Variants in LAMA5 observed in about 807,000 individuals in gnomAD.
The protein encoded by LAMA5 is laminin subunit alpha-5.
Under a neutral mutation model 433.4 loss-of-function variants are expected in LAMA5, and 260 were observed. The observed-to-expected ratio is 0.60, with a 90% confidence interval of 0.54 to 0.66. The LOEUF (loss-of-function observed/expected upper bound fraction) is 0.66. Ranked by LOEUF, LAMA5 falls within the 30% of genes least tolerant of loss-of-function variation. The probability of loss-of-function intolerance (pLI) is 0.00; values close to 1 mark genes in which losing one functional copy is unlikely to be tolerated. For missense variants in LAMA5, 5,378 were observed against 5,258.5 expected, an observed-to-expected ratio of 1.02 and a Z score of -0.70; for synonymous variants, 2,620 against 2,226.6, an observed-to-expected ratio of 1.18 and a Z score of -4.97.
chr20:62,350,030 G>A (rs981082156), intron 6 of LAMA5, among the ~76,000 whole-genome samples: 1 of 151,708 alleles, frequency 6.6e-6, no homozygotes, highest in African/African-American at 2.4e-5. Context: ...GGGTGACCAG[G>A]TCCTGGTAAC....
At chr20:62,364,278 T>G (rs1986478459) in intron 1 of LAMA5, among the ~76,000 whole-genome samples, 1 of 151,818 alleles carries the variant, frequency 6.6e-6, no homozygotes, top group Non-Finnish European at 1.5e-5. Context: ...CTGGAGAAGG[T>G]AGGTGTGGGC....
chr20:62,362,597 C>T, intron 1 of LAMA5, 45 bp from the exon 2 acceptor site: 3 of 1,420,932 alleles, frequency 2.1e-6, no homozygotes, highest in Non-Finnish European at 2.8e-6. Context: ...AGGGCCGGGG[C>T]CCCCTTCCTC....
In LAMA5 at chr20:62,311,316, G is replaced by A. The variant is rs373122353; in HGVS notation, c.9943-9C>T. On this transcript the variant is annotated splice_polypyrimidine_tract_variant and intron_variant, in intron 72 of 79. Coordinates refer to ENST00000252999, the MANE Select transcript of LAMA5 (RefSeq NM_005560.6). The stretch of plus-strand genomic sequence containing the variant: ...CGGCTGCGGCGGGAGGCCTGGGGGC[G>A]TGGATGGTGAATGCAGGGGCCGCCC... The A allele has an allele frequency of 4.5e-5, 70 of 1,556,402 alleles. No individual in the cohort carries two copies. The highest frequency in any genetic ancestry group is 6.0e-5 in the South Asian group (5 of 83,192).
At chr20:62,335,155 G>A in intron 19 of LAMA5, 29 bp from the exon 20 acceptor site, 1 of 1,612,536 alleles carries the variant, frequency 6.2e-7, no homozygotes, top group Non-Finnish European at 8.5e-7. Context: ...GGTGAAGTGG[G>A]GCAGGGGAGG....
Position 62,312,403 on chromosome 20 carries a change from C to T in LAMA5, c.9357G>A (p.Leu3119=), listed in dbSNP as rs923589350. The T allele has an allele frequency of 6.3e-7, 1 of 1,598,684 alleles. No homozygotes were observed. Among genetic ancestry groups the T allele is most frequent in the East Asian group, 2.2e-5 (1 of 44,842 alleles). ...CAGCCCGGGGAGGGCTGCTCACCAGCAGGTCGGCGGTGCAGCCGGCGCTCA... is the reference window on the plus strand; with the variant it reads ...CAGCCCGGGGAGGGCTGCTCACCAGTAGGTCGGCGGTGCAGCCGGCGCTCA... ...TGVSAGCTAD[L]LVGRAMTFHG... The change falls in exon 68 of 80, where the codon CTG becomes CTA. Residue 3119 remains leucine, a synonymous_variant. Transcript: ENST00000252999.
intron 11 of LAMA5, among the ~76,000 whole-genome samples, chr20:62,339,121 C>A (rs967983095): frequency 6.6e-6 from 1 of 151,896 alleles, no homozygotes; most frequent in Non-Finnish European, 1.5e-5. Flanking sequence ...TATCAAAACG[C>A]TTCATTAGTT....
In LAMA5 at chr20:62,314,993, C is replaced by T. The variant is rs1727667187; in HGVS notation, c.8047+35G>A. On this transcript the variant is annotated intron_variant, in intron 59 of 79. Coordinates refer to ENST00000252999, the MANE Select transcript of LAMA5 (RefSeq NM_005560.6). The stretch of plus-strand genomic sequence containing the variant: ...GACCTTTGCCCCCCACCGTGCCCGC[C>T]TCCATCAGGGGCACCGCGAGGGCCA... 1.9e-6 allele frequency: 3 copies of T among 1,577,712 alleles called. No homozygotes were observed. In the South Asian group the frequency reaches 3.4e-5, roughly 18 times the overall value.
At chr20:62,350,691 C>G (rs1044658650) in intron 6 of LAMA5, among the ~76,000 whole-genome samples, 1 of 152,194 alleles carries the variant, frequency 6.6e-6, no homozygotes, top group African/African-American at 2.4e-5. Context: ...TCAGCCTCAG[C>G]TGCACCACTC....
rs776277607 is a variant in LAMA5, at chr20:62,329,790, C to T, written c.4106G>A (p.Arg1369Gln). The change falls in exon 32 of 80, where the codon CGG (arginine) becomes CAG (glutamine). Residue 1369 changes from arginine to glutamine, a missense_variant. Physicochemically the swap from Arg to Gln is conservative, Grantham distance 43. Coordinates refer to ENST00000252999, the MANE Select transcript of LAMA5 (RefSeq NM_005560.6). Reference protein sequence around the residue: ...LTVTVRVPKGRWLWLDYVLVV... With the variant: ...LTVTVRVPKGQWLWLDYVLVV... Reference sequence around the variant, plus strand: ...GCTGGGACTCACCAGCCAGAGCCACCGGCCCTTGGGCACACGCACGGTCAC... The same window carrying T: ...GCTGGGACTCACCAGCCAGAGCCACTGGCCCTTGGGCACACGCACGGTCAC... 20 of 1,612,212 alleles carry T rather than the reference C, an allele frequency of 1.2e-5. No individual in the cohort carries two copies. The highest frequency in any genetic ancestry group is 6.7e-5 in the African/African-American group (5 of 74,926).
At chr20:62,333,518 C>T in intron 24 of LAMA5, 37 bp from the exon 25 acceptor site, 1 of 1,588,666 alleles carries the variant, frequency 6.3e-7, no homozygotes, top group South Asian at 1.1e-5. Context: ...TGGTGGGCCC[C>T]ACCCCCTGAC....
chr20:62,326,884 C>G lies in LAMA5; in HGVS notation c.5195G>C (p.Arg1732Thr). 6.2e-7 allele frequency: 1 copy of G among 1,612,224 alleles called. No homozygotes were observed. The highest frequency in any genetic ancestry group is 1.1e-5 in the South Asian group (1 of 91,024). The change falls in exon 39 of 80, where the codon AGG (arginine) becomes ACG (threonine). Residue 1732 changes from arginine (R) to threonine (T), a missense_variant. Transcript: ENST00000252999. ...RGDVFVPMES[R>T]PDVVLQGNQM... The stretch of plus-strand genomic sequence containing the variant: ...CCTCACCTGCAGCACCACATCCGGC[C>G]TGCTCTCCATGGGGACAAAGACATC...
chr20:62,349,442 A>G lies in LAMA5; in HGVS notation c.956+2262T>C, dbSNP rs371747890. Among the ~76,000 whole-genome samples the G allele has an allele frequency of 2.2e-4, 33 of 151,758 alleles. 1 individual carries two copies. In the East Asian group the frequency reaches 5.3e-3, roughly 25 times the overall value. On this transcript the variant is annotated intron_variant, in intron 6 of 79. Transcript: ENST00000252999. ...ACTGCAAGGACAATGGACTCTCCCAAGCACCTGGAGAGGTGAAGAGACAGT... is the reference window on the plus strand; with the variant it reads ...ACTGCAAGGACAATGGACTCTCCCAGGCACCTGGAGAGGTGAAGAGACAGT...
At chr20:62,328,135 C>A in intron 35 of LAMA5, 106 bp downstream of exon 35, 1 of 1,513,774 alleles carries the variant, frequency 6.6e-7, no homozygotes, top group South Asian at 1.2e-5. Context: ...CTGCTGCACC[C>A]AGGGAGCACA....
In LAMA5 at chr20:62,309,769, A is replaced by G; in HGVS notation, c.10895T>C (p.Leu3632Ser). ...TGGGGCACCAGCTGCAGCCGCCAGC[A>G]AGGGGCCCACGGTGTGGTTGCTCTG... ...DAQSNHTVGP[L>S]LAAAAGAPAP... The change falls in exon 79 of 80, where the codon TTG becomes TCG. Residue 3632 changes from leucine to serine, a missense_variant. Physicochemically the swap from Leu to Ser is moderately radical, Grantham distance 145. Coordinates refer to ENST00000252999, the MANE Select transcript of LAMA5 (RefSeq NM_005560.6). The G allele has an allele frequency of 6.2e-7, 1 of 1,604,278 alleles. No individual in the cohort carries two copies. Among genetic ancestry groups the G allele is most frequent in the Non-Finnish European group, 8.5e-7 (1 of 1,177,564 alleles).
Position 62,322,345 on chromosome 20 carries a change from G to A in LAMA5, c.6270C>T (p.Cys2090=). 6.3e-7 allele frequency: 1 copy of A among 1,595,908 alleles called. No individual in the cohort carries two copies. The change falls in exon 47 of 80, where the codon TGC becomes TGT. Residue 2090 remains cysteine (C), a synonymous_variant. Transcript: ENST00000252999. ...ECHPQSGQCH[C]RPGTMGPQCR... is the part of the protein sequence containing the mutation. Reference sequence around the variant, plus strand: ...ACTGGGGTCCCATGGTCCCTGGTCGGCAGTGGCACTGTCCGCTCTGGGGGT... The same window carrying A: ...ACTGGGGTCCCATGGTCCCTGGTCGACAGTGGCACTGTCCGCTCTGGGGGT...
rs756859722 is a variant in LAMA5, at chr20:62,334,031, G to A, written c.2748C>T (p.Ile916=). The A allele has an allele frequency of 5.6e-6, 9 of 1,612,202 alleles. No individual in the cohort carries two copies. Among genetic ancestry groups the A allele is most frequent in the Admixed American group, 1.7e-5 (1 of 59,954 alleles). The change falls in exon 23 of 80, where the codon ATC becomes ATT. Residue 916 remains isoleucine, a synonymous_variant. Transcript: ENST00000252999. Reference sequence around the variant, plus strand: ...GGGAGGTCAGGTTCAGCCTGGCCACGATCCTGGGCTGGGTGGGCATGGAGC... The same window carrying A: ...GGGAGGTCAGGTTCAGCCTGGCCACAATCCTGGGCTGGGTGGGCATGGAGC... The part of the protein sequence containing the change: ...YAQMAPVQPR[I]VARLNLTSPD...
rs768306759 is a variant in LAMA5 at position 62,329,789 on chromosome 20, C to T, written c.4107G>A (p.Arg1369=). 2 of 1,612,426 alleles carry T rather than the reference C, an allele frequency of 1.2e-6. No individual in the cohort carries two copies. The highest frequency in any genetic ancestry group is 2.2e-5 in the South Asian group (2 of 90,998). The change falls in exon 32 of 80, where the codon CGG becomes CGA. Residue 1369 remains arginine, a synonymous_variant. Transcript: ENST00000252999. The part of the protein sequence containing the change: ...LTVTVRVPKG[R]WLWLDYVLVV... Reference sequence around the variant, plus strand: ...AGCTGGGACTCACCAGCCAGAGCCACCGGCCCTTGGGCACACGCACGGTCA... The same window carrying T: ...AGCTGGGACTCACCAGCCAGAGCCATCGGCCCTTGGGCACACGCACGGTCA...
At chr20:62,326,550 C>G in intron 40 of LAMA5, 127 bp downstream of exon 40, 1 of 720,142 alleles carries the variant, frequency 1.4e-6, no homozygotes, top group Non-Finnish European at 2.3e-6. Context: ...CAGCCCCCAC[C>G]CCGCTTCTGC....
At position 62,331,118 on chromosome 20, in the gene LAMA5, A is replaced by C; in HGVS notation, c.3564T>G (p.Thr1188=). The C allele has an allele frequency of 6.3e-7, 1 of 1,581,900 alleles. No individual in the cohort carries two copies. Among genetic ancestry groups the C allele is most frequent in the Non-Finnish European group, 8.6e-7 (1 of 1,163,602 alleles). The change falls in exon 29 of 80, where the codon ACT becomes ACG. Residue 1188 remains threonine, a synonymous_variant. Transcript: ENST00000252999. ...EQARFFLHGV[T]LVPIEEFSPE... ...GGCTGAACTCCTCAATGGGCACCAGAGTGACCCCGTGCTGCAGGCAGAGGG... is the reference window on the plus strand; with the variant it reads ...GGCTGAACTCCTCAATGGGCACCAGCGTGACCCCGTGCTGCAGGCAGAGGG...
Sources: allele counts gnomAD v4.1 joint callset (sites outside exome capture counted in the v4.1 genomes callset), GRCh38; gene constraint gnomAD v4.1.1; transcripts MANE v1.5; gene names NCBI Gene and HGNC (gene_info 2026-07-23, HGNC 2026-07-21).